DISP1: variants seen among roughly 807,000 people sequenced by gnomAD.
The protein encoded by DISP1 is protein dispatched homolog 1.
DISP1 carries 30 observed loss-of-function variants against 37.3 expected under a neutral mutation model. The observed-to-expected ratio is 0.80, with a 90% CI of 0.60 to 1.09. The LOEUF (loss-of-function observed/expected upper bound fraction) is 1.09. Among genes scored for constraint, DISP1 ranks in the 50% least tolerant of loss-of-function variants. DISP1 has a pLI of 0.00. For missense variants in DISP1, 1,598 were observed against 1,879.5 expected, an observed-to-expected ratio of 0.85 and a Z score of 2.77; for synonymous variants, 634 against 690.2, an observed-to-expected ratio of 0.92 and a Z score of 1.28.
intron 3 of DISP1, among the ~76,000 whole-genome samples, chr1:222,965,239 G>A (rs756689115): frequency 6.6e-6 from 1 of 151,950 alleles, no homozygotes; most frequent in Non-Finnish European, 1.5e-5. Flanking sequence ...CTGTGCCTTA[G>A]TTCTCCATCG....
intron 1 of DISP1, among the ~76,000 whole-genome samples, chr1:222,820,864 G>C (rs1662689003): frequency 6.6e-6 from 1 of 152,188 alleles, no homozygotes; most frequent in South Asian, 2.1e-4. Flanking sequence ...GGCTGGCTGA[G>C]GGTGTTACTA....
intron 3 of DISP1, among the ~76,000 whole-genome samples, chr1:222,970,067 T>G (rs1457215796): frequency 6.6e-6 from 1 of 152,204 alleles, no homozygotes. Flanking sequence ...GAAAAGTACT[T>G]TGGGAAATTT....
intron 3 of DISP1, among the ~76,000 whole-genome samples, chr1:222,966,983 A>G (rs1676542716): frequency 2.0e-5 from 3 of 152,076 alleles, no homozygotes; most frequent in South Asian, 2.1e-4. Context: ...GGGAGGATAT[A>G]TGCAGTTGGA....
chr1:222,954,420 C>T (rs2789937), intron 3 of DISP1, among the ~76,000 whole-genome samples: 41,504 of 151,956 alleles, frequency 0.27, 6,060 homozygotes, highest in South Asian at 0.4. Context: ...GACCCATTCA[C>T]AGTTCAATAA....
In DISP1 at chr1:222,907,073, G is replaced by T. The variant is rs561217705; in HGVS notation, c.-158-21357G>T. ...AATGAATGAATGAGTAAATAAATAA[G>T]GATTAATAAAATAGTGGCCATCGAT... On this transcript the variant is annotated intron_variant, in intron 1 of 8. Coordinates refer to ENST00000675850, the MANE Select transcript of DISP1 (RefSeq NM_001377229.1). Among the ~76,000 whole-genome samples, 13 of 152,292 alleles carry T rather than the reference G, an allele frequency of 8.5e-5. No individual in the cohort carries two copies. In the South Asian group the frequency reaches 2.5e-3, roughly 29 times the overall value.
At chr1:222,871,913 T>C (rs1669607383) in intron 1 of DISP1, among the ~76,000 whole-genome samples, 1 of 152,178 alleles carries the variant, frequency 6.6e-6, no homozygotes, top group South Asian at 2.1e-4. Context: ...AGTATGATAT[T>C]GGCTGTGGGT....
Position 222,887,787 on chromosome 1 carries a change from C to T in DISP1, c.-158-40643C>T, listed in dbSNP as rs1238824330. Reference sequence around the variant, plus strand: ...TGCTGGGATTACAGGCGTGAGCCACCGCGCCCGGCCTGTTTTTGTTTTTAA... The same window carrying T: ...TGCTGGGATTACAGGCGTGAGCCACTGCGCCCGGCCTGTTTTTGTTTTTAA... On this transcript the variant is annotated intron_variant, in intron 1 of 8. Coordinates refer to ENST00000675850, the MANE Select transcript of DISP1 (RefSeq NM_001377229.1). 1.7e-4 allele frequency among the ~76,000 whole-genome samples: 11 copies of T among 63,486 alleles called. 1 individual carries two copies. Among genetic ancestry groups the T allele is most frequent in the African/African-American group, 5.0e-4 (10 of 20,000 alleles). 41.6% of individuals were successfully genotyped at this position (63,486 alleles called of 152,430 possible). A position where few individuals can be genotyped will look rare whatever the true frequency, so the allele number is the denominator to read the frequency against.
intron 1 of DISP1, among the ~76,000 whole-genome samples, chr1:222,859,267 T>G (rs1255685414): frequency 6.6e-6 from 1 of 151,934 alleles, no homozygotes; most frequent in Admixed American, 6.6e-5. Context: ...CACTTATGAG[T>G]GGGAGCTGAA....
intron 8 of DISP1, among the ~76,000 whole-genome samples, chr1:222,998,444 A>C (rs893863596): frequency 2.0e-5 from 3 of 152,014 alleles, no homozygotes; most frequent in African/African-American, 7.2e-5. Flanking sequence ...CATTTAGTTC[A>C]AACTCTAGGT....
intron 1 of DISP1, among the ~76,000 whole-genome samples, chr1:222,853,197 C>T (rs537789914): frequency 1.3e-5 from 2 of 152,138 alleles, no homozygotes; most frequent in African/African-American, 4.8e-5. Context: ...ACCAGGCTCA[C>T]GTTGGAGGTG....
chr1:222,894,874 G>GA (rs1671159647), intron 1 of DISP1, among the ~76,000 whole-genome samples: 1 of 152,148 alleles, frequency 6.6e-6, no homozygotes, highest in Non-Finnish European at 1.5e-5. Context: ...ATAAATATTT[G>GA]AAAAATACAG....
chr1:222,952,966 A>G (rs995639032), intron 3 of DISP1, among the ~76,000 whole-genome samples: 1 of 152,238 alleles, frequency 6.6e-6, no homozygotes, highest in African/African-American at 2.4e-5. Flanking sequence ...ATTACATTCC[A>G]CAAAAGCCAC....
chr1:222,876,245 G>T (rs1242502557), intron 1 of DISP1, among the ~76,000 whole-genome samples: 3 of 152,168 alleles, frequency 2.0e-5, no homozygotes, highest in Admixed American at 6.5e-5. Flanking sequence ...GTGAGGTATG[G>T]CTGTGGTCAG....
intron 1 of DISP1, among the ~76,000 whole-genome samples, chr1:222,871,732 A>G (rs1018118503): frequency 2.1e-4 from 32 of 152,188 alleles, no homozygotes; most frequent in Non-Finnish European, 4.4e-5. Flanking sequence ...GTCATCTGCA[A>G]ACAGGGACAA....
intron 2 of DISP1, among the ~76,000 whole-genome samples, chr1:222,929,875 A>T (rs1283149560): frequency 1.3e-5 from 2 of 152,140 alleles, no homozygotes; most frequent in African/African-American, 4.8e-5. Context: ...TTTTAGTATT[A>T]AAAAAGATAT....
intron 1 of DISP1, among the ~76,000 whole-genome samples, chr1:222,878,825 T>C (rs1670114145): frequency 6.6e-6 from 1 of 152,166 alleles, no homozygotes. Context: ...TTTTAATTCT[T>C]AAAAAGATCT....
intron 2 of DISP1, among the ~76,000 whole-genome samples, chr1:222,932,994 A>T (rs752170188): frequency 7.9e-5 from 12 of 151,948 alleles, no homozygotes; most frequent in Non-Finnish European, 1.6e-4. Flanking sequence ...TTGGATGTAA[A>T]ACAAAATGAG....
intron 4 of DISP1, among the ~76,000 whole-genome samples, chr1:222,983,626 A>T (rs1228002842): frequency 6.6e-6 from 1 of 152,102 alleles, no homozygotes; most frequent in African/African-American, 2.4e-5. Flanking sequence ...CAAAAAAAAA[A>T]ATATTTGTGC....
intron 2 of DISP1, among the ~76,000 whole-genome samples, chr1:222,936,805 T>TATCACATATATGAC (rs1673835213): frequency 2.2e-5 from 1 of 45,804 alleles, no homozygotes; most frequent in Non-Finnish European, 4.3e-5. Flanking sequence ...ATATATTATA[T>TATCACATATATGAC]ATATAAATTA....
Sources: allele counts gnomAD v4.1 joint callset (sites outside exome capture counted in the v4.1 genomes callset), GRCh38; gene constraint gnomAD v4.1.1; transcripts MANE v1.5; gene names NCBI Gene and HGNC (gene_info 2026-07-23, HGNC 2026-07-21).